The following PHACTR1 variants were observed in gnomAD, a reference collection of about 807,000 sequenced individuals.
The protein encoded by PHACTR1 is phosphatase and actin regulator 1, also known as RPEL repeat containing 1.
In PHACTR1, 16 loss-of-function variants were observed where a neutral mutation model predicts 69.2. The observed-to-expected ratio is 0.23, with a 90% CI of 0.16 to 0.35. The LOEUF is 0.35. PHACTR1 is among the 10% of genes least tolerant of loss of function. PHACTR1 has a pLI of 1.00. For missense variants in PHACTR1, 510 were observed against 734.7 expected (o/e 0.69, Z 3.54); for synonymous variants, 312 against 284.5 (o/e 1.10, Z -0.97).
intron 3 of PHACTR1, among the ~76,000 whole-genome samples, chr6:12,720,677 G>A (rs1762002219): frequency 6.6e-6 from 1 of 152,220 alleles, no homozygotes; most frequent in Admixed American, 6.5e-5. Context: ...GAGGGGCGGG[G>A]GTTCCCGCAC....
rs1583776726 is a variant in PHACTR1 at position 13,182,504 on chromosome 6, T to C, written c.497-15T>C. 2 of 1,613,096 alleles carry C rather than the reference T, an allele frequency of 1.2e-6. No homozygotes were observed. Among genetic ancestry groups the C allele is most frequent in the East Asian group, 2.2e-5 (1 of 44,860 alleles). ...GACATTGTCTAACTCTGCAATCTCC[T>C]TTTCTCTCTGACAGATGGGGAACTC... On this transcript the variant is annotated splice_polypyrimidine_tract_variant and intron_variant, in intron 6 of 14. Transcript: ENST00000332995.
At chr6:12,960,032 AG>A (rs1011360969) in intron 4 of PHACTR1, among the ~76,000 whole-genome samples, 8 of 152,358 alleles carry the variant, frequency 5.3e-5, no homozygotes, top group African/African-American at 1.9e-4. Flanking sequence ...ATGGAAATCA[AG>A]GTGCTTTGAT....
intron 10 of PHACTR1, chr6:13,253,005 A>C: frequency 2.2e-6 from 1 of 453,948 alleles, no homozygotes. Context: ...TGTTTCCAGA[A>C]ACAAGTTCAG....
chr6:13,089,836 G>GT (rs1812933120), intron 5 of PHACTR1, among the ~76,000 whole-genome samples: 1 of 152,166 alleles, frequency 6.6e-6, no homozygotes, highest in African/African-American at 2.4e-5. Context: ...GAACAAACTG[G>GT]TGAGAGGAGG....
At chr6:13,140,695 G>GT (rs2113334176) in intron 5 of PHACTR1, among the ~76,000 whole-genome samples, 1 of 152,282 alleles carries the variant, frequency 6.6e-6, no homozygotes, top group African/African-American at 2.4e-5. Context: ...AGTTGAAAAA[G>GT]TTCTGGAGAT....
chr6:12,976,964 C>A lies in PHACTR1; in HGVS notation c.251-76401C>A, dbSNP rs1009308205. The stretch of plus-strand genomic sequence containing the variant: ...TAGTATGTATAGGGTTCGCTATGAT[C>A]TGCAGTGTTTGTTTGTTTTGAGACA... On this transcript the variant is annotated intron_variant, in intron 4 of 14. Transcript: ENST00000332995. Among the ~76,000 whole-genome samples, 7 of 152,286 alleles carry A rather than the reference C, an allele frequency of 4.6e-5. No individual in the cohort carries two copies. In the South Asian group the frequency reaches 6.2e-4, roughly 14 times the overall value.
rs568836546 is a variant in PHACTR1 at position 13,068,380 on chromosome 6, A to C, written c.415+14851A>C. On this transcript the variant is annotated intron_variant, in intron 5 of 14. Coordinates refer to ENST00000332995, the MANE Select transcript of PHACTR1 (RefSeq NM_030948.6). The stretch of plus-strand genomic sequence containing the variant: ...AAGTTTAAGGATTCAAAAAGAAGTT[A>C]ACTGATGGGAAGCTCTTAGAATAGT... Among the ~76,000 whole-genome samples the C allele has an allele frequency of 3.3e-5, 5 of 152,358 alleles. No individual in the cohort carries two copies. In the South Asian group the frequency reaches 1.0e-3, roughly 32 times the overall value.
intron 5 of PHACTR1, among the ~76,000 whole-genome samples, chr6:13,075,840 C>T (rs149719424): frequency 5.3e-5 from 8 of 152,012 alleles, no homozygotes; most frequent in Non-Finnish European, 7.4e-5. Flanking sequence ...TTCTGCCCTC[C>T]GACTCCCTGC....
At chr6:13,120,375 C>T (rs1425899210) in intron 5 of PHACTR1, among the ~76,000 whole-genome samples, 1 of 152,068 alleles carries the variant, frequency 6.6e-6, no homozygotes, top group Non-Finnish European at 1.5e-5. Flanking sequence ...ATCCCAAACC[C>T]ACACTGCTGA....
intron 3 of PHACTR1, among the ~76,000 whole-genome samples, chr6:12,734,895 T>G (rs1238974844): frequency 6.6e-6 from 1 of 152,260 alleles, no homozygotes; most frequent in African/African-American, 2.4e-5. Flanking sequence ...CTGATAGACA[T>G]AGATAGTATT....
chr6:13,271,054 GC>G (rs1777604251), intron 10 of PHACTR1, among the ~76,000 whole-genome samples: 1 of 150,936 alleles, frequency 6.6e-6, no homozygotes, highest in Admixed American at 6.6e-5. Context: ...TGTCACCCAG[GC>G]TGGAGTGCAG....
intron 4 of PHACTR1, among the ~76,000 whole-genome samples, chr6:12,801,449 C>A (rs1056429644): frequency 1.1e-4 from 17 of 152,004 alleles, no homozygotes; most frequent in African/African-American, 3.9e-4. Flanking sequence ...CAAACTAGAG[C>A]AAGTTCATAA....
intron 5 of PHACTR1, among the ~76,000 whole-genome samples, chr6:13,117,118 A>G (rs1235197168): frequency 6.6e-6 from 1 of 152,216 alleles, no homozygotes; most frequent in Non-Finnish European, 1.5e-5. Context: ...CATGGGAAGA[A>G]GTCAGCCACC....
chr6:12,918,082 T>C (rs1787210529), intron 4 of PHACTR1, among the ~76,000 whole-genome samples: 1 of 152,180 alleles, frequency 6.6e-6, no homozygotes, highest in African/African-American at 2.4e-5. Flanking sequence ...CATCCTGTGC[T>C]CTCCCATGCT....
chr6:13,004,722 A>G (rs765608802), intron 4 of PHACTR1, among the ~76,000 whole-genome samples: 6 of 152,044 alleles, frequency 3.9e-5, no homozygotes, highest in Non-Finnish European at 7.4e-5. Context: ...CCTCTTTCTT[A>G]TGTGCAAAGT....
At chr6:12,799,587 C>G (rs1045228596) in intron 4 of PHACTR1, among the ~76,000 whole-genome samples, 3 of 152,072 alleles carry the variant, frequency 2.0e-5, no homozygotes, top group African/African-American at 7.2e-5. Flanking sequence ...GACAAGAGAC[C>G]AGTGAGAAGG....
intron 5 of PHACTR1, among the ~76,000 whole-genome samples, chr6:13,133,932 C>G (rs189379433): frequency 3.3e-5 from 5 of 151,196 alleles, no homozygotes; most frequent in Admixed American, 3.3e-4. Flanking sequence ...ATGTGGGGAG[C>G]GCCTCTGCCC....
chr6:13,152,177 A>G (rs1370327621), intron 5 of PHACTR1, among the ~76,000 whole-genome samples: 1 of 152,148 alleles, frequency 6.6e-6, no homozygotes, highest in Non-Finnish European at 1.5e-5. Flanking sequence ...TACTAAAAAT[A>G]CAAAAAATTA....
chr6:12,905,703 G>A (rs1007739691), intron 4 of PHACTR1, among the ~76,000 whole-genome samples: 3 of 152,156 alleles, frequency 2.0e-5, no homozygotes, highest in African/African-American at 7.2e-5. Flanking sequence ...GGATTTTGGT[G>A]GCTTGAGTGA....
Sources: allele counts gnomAD v4.1 joint callset (sites outside exome capture counted in the v4.1 genomes callset), GRCh38; gene constraint gnomAD v4.1.1; transcripts MANE v1.5; gene names NCBI Gene and HGNC (gene_info 2026-07-23, HGNC 2026-07-21).